The following UNC80 variants were observed in gnomAD, a reference collection of about 807,000 sequenced individuals.
UNC80 encodes the protein protein unc-80 homolog.
In UNC80, 164 loss-of-function variants were observed where a neutral mutation model predicts 384.6. The observed-to-expected ratio is 0.43, with a 90% CI of 0.38 to 0.49. The LOEUF is 0.49. UNC80 is among the 20% of genes least tolerant of loss of function. The pLI is 0.00. For synonymous variants in UNC80, 1,486 were observed against 1,527.8 expected (o/e 0.97, Z 0.64); for missense variants, 3,330 against 4,143.0 (o/e 0.80, Z 5.39).
At position 209,928,169 on chromosome 2, in the gene UNC80, C is replaced by A. The variant is rs1242903525; in HGVS notation, c.5806+1183C>A. Among the ~76,000 whole-genome samples, 7 of 151,970 alleles carry A rather than the reference C, an allele frequency of 4.6e-5. 1 individual carries two copies. The highest frequency in any genetic ancestry group is 4.6e-4 in the Admixed American group (7 of 15,256). On this transcript the variant is annotated intron_variant, in intron 36 of 64. Transcript: ENST00000673920. ...TGGCCAACGTGGCGAAACCCTGTCT[C>A]TACTAAAAATACAAAAATTAGCCAG...
intron 61 of UNC80, among the ~76,000 whole-genome samples, chr2:209,986,476 A>G (rs1054740712): frequency 2.0e-5 from 3 of 152,204 alleles, no homozygotes; most frequent in Admixed American, 6.5e-5. Context: ...AAACCAATTC[A>G]GTGTGTCCTG....
chr2:209,969,203 T>C (rs1391508658), intron 52 of UNC80: 3 of 152,360 alleles, frequency 2.0e-5, no homozygotes, highest in African/African-American at 7.2e-5. Flanking sequence ...AATTGGGTTA[T>C]GTATACAGTA....
chr2:209,893,311 G>A (rs111898695), intron 26 of UNC80, among the ~76,000 whole-genome samples: 2,264 of 152,212 alleles, frequency 0.015, 68 homozygotes, highest in African/African-American at 0.051. Flanking sequence ...TATAAAATCA[G>A]TGTGTGAAAA....
rs1391759120 is a variant in UNC80, at chr2:209,896,340, C to T, written c.4508C>T (p.Pro1503Leu). 4.5e-6 allele frequency: 7 copies of T among 1,551,472 alleles called. No homozygotes were observed. In the East Asian group the frequency reaches 1.5e-4, roughly 33 times the overall value. Residue 1503 changes from proline (P) to leucine (L), a missense_variant, in exon 28 of 65, where the codon CCC becomes CTC. Pro to Leu is a moderately conservative substitution (Grantham distance 98, BLOSUM62 -3). Around this residue, in one of 8 missense-constraint regions of UNC80, gnomAD observed 801 missense variants for 950.8 expected, o/e 0.84. Transcript: ENST00000673920. ...LEGSPWSASE[P>L]SIEPEGMSNA... is the part of the protein sequence containing the mutation. ...GGGAGTCCTTGGAGTGCAAGCGAGCCCAGCATTGAGCCAGAGGGAATGAGT... is the reference window on the plus strand; with the variant it reads ...GGGAGTCCTTGGAGTGCAAGCGAGCTCAGCATTGAGCCAGAGGGAATGAGT...
intron 16 of UNC80, among the ~76,000 whole-genome samples, chr2:209,833,396 A>G (rs1222295071): frequency 2.0e-5 from 3 of 152,014 alleles, no homozygotes; most frequent in Non-Finnish European, 2.9e-5. Flanking sequence ...TTAAATATTG[A>G]TTCACCAATA....
Position 209,896,397 on chromosome 2 carries a change from AC to A in UNC80, c.4566del (p.Asn1522LysfsTer7), listed in dbSNP as rs778056528. 4 of 1,551,384 alleles carry A rather than the reference AC, an allele frequency of 2.6e-6. No individual in the cohort carries two copies. The highest frequency in any genetic ancestry group is 3.5e-6 in the Non-Finnish European group (4 of 1,146,876). On this transcript the variant is annotated frameshift_variant, in exon 28 of 65. Coordinates refer to ENST00000673920, the MANE Select transcript of UNC80 (RefSeq NM_001371986.1). LOFTEE classifies it high-confidence loss of function. ...GGCGCGGAGGAGAATTACCACAGAAACATGTCGTGGCTTCATGTAAGTAGGA... is the reference window on the plus strand; with the variant it reads ...GGCGCGGAGGAGAATTACCACAGAAAATGTCGTGGCTTCATGTAAGTAGGA... Reference protein sequence around the residue: ...NAGAEENYHRNMSWLHVMILL... With the variant: ...NAGAEENYHRXMSWLHVMILL...
At chr2:209,896,473 C>T (rs2086805401) in intron 28 of UNC80, 60 bp downstream of exon 28, 2 of 1,338,790 alleles carry the variant, frequency 1.5e-6, no homozygotes, top group East Asian at 2.5e-5. Context: ...GGGGAAGATC[C>T]AAGGAGGGAG....
rs1190210655 is a variant in UNC80 at position 209,995,409 on chromosome 2, T to G, written c.9789T>G (p.Ser3263=). The change falls in exon 65 of 65, where the codon TCT becomes TCG. Residue 3263 remains serine (S), a synonymous_variant. Transcript: ENST00000673920. ...GTGCTACTGCACACAGTCCACTCTCTGCCCAACTCTCTGACCCTGATGACT... is the reference window on the plus strand; with the variant it reads ...GTGCTACTGCACACAGTCCACTCTCGGCCCAACTCTCTGACCCTGATGACT... ...AQGATAHSPL[S]AQLSDPDDFT... 6.4e-7 allele frequency: 1 copy of G among 1,551,974 alleles called. No homozygotes were observed. Among genetic ancestry groups the G allele is most frequent in the African/African-American group, 1.4e-5 (1 of 73,182 alleles).
Position 209,904,909 on chromosome 2 carries a change from C to T in UNC80, c.4726C>T (p.Leu1576=). The change falls in exon 29 of 65, where the codon CTG becomes TTG. Residue 1576 remains leucine, a synonymous_variant. Coordinates refer to ENST00000673920, the MANE Select transcript of UNC80 (RefSeq NM_001371986.1). ...KLLYGDSVDS[L]RESSNISSVA... is the part of the protein sequence containing the mutation. Reference sequence around the variant, plus strand: ...ACTCTATGGAGACAGTGTGGACTCCCTGAGGGAAAGCAGCAACATCAGCAG... The same window carrying T: ...ACTCTATGGAGACAGTGTGGACTCCTTGAGGGAAAGCAGCAACATCAGCAG... 1 of 1,551,750 alleles carries T rather than the reference C, an allele frequency of 6.4e-7. No individual in the cohort carries two copies.
chr2:209,916,907 A>G (rs1003976113), intron 31 of UNC80, among the ~76,000 whole-genome samples: 1 of 152,258 alleles, frequency 6.6e-6, no homozygotes, highest in African/African-American at 2.4e-5. Flanking sequence ...TATTCTAAAA[A>G]CAACTTTGGA....
At chr2:209,790,561 T>C (rs2077733101) in intron 6 of UNC80, among the ~76,000 whole-genome samples, 2 of 152,208 alleles carry the variant, frequency 1.3e-5, no homozygotes, top group African/African-American at 4.8e-5. Flanking sequence ...GTTGTAATTC[T>C]TGTGCAGCAT....
At chr2:209,865,205 G>A (rs1296756761) in intron 22 of UNC80, among the ~76,000 whole-genome samples, 1 of 151,536 alleles carries the variant, frequency 6.6e-6, no homozygotes, top group African/African-American at 2.4e-5. Context: ...CTTGGTTGCC[G>A]GTGAAGGATT....
Position 209,945,907 on chromosome 2 carries a change from TCA to T in UNC80, c.7252_7253del (p.Thr2418CysfsTer79). 1 of 1,552,036 alleles carries T rather than the reference TCA, an allele frequency of 6.4e-7. No individual in the cohort carries two copies. Among genetic ancestry groups the T allele is most frequent in the Non-Finnish European group, 8.7e-7 (1 of 1,146,962 alleles). On this transcript the variant is annotated frameshift_variant, in exon 47 of 65. Coordinates refer to ENST00000673920, the MANE Select transcript of UNC80 (RefSeq NM_001371986.1). LOFTEE classifies it high-confidence loss of function. ...ATCAGTGAAGCCATTAAGCTCTGTGTCACTGTGGTGGCGTATGCTCCCGAATC... is the reference window on the plus strand; with the variant it reads ...ATCAGTGAAGCCATTAAGCTCTGTGTCTGTGGTGGCGTATGCTCCCGAATC...
chr2:209,852,220 A>C (rs1438775338), intron 22 of UNC80, among the ~76,000 whole-genome samples: 1 of 152,070 alleles, frequency 6.6e-6, no homozygotes, highest in Admixed American at 6.6e-5. Flanking sequence ...CATACCTGAC[A>C]GTCTTTGATT....
chr2:209,995,259 A>G (rs1273567116), intron 64 of UNC80, 70 bp from the exon 65 acceptor site: 23 of 1,518,706 alleles, frequency 1.5e-5, no homozygotes, highest in Non-Finnish European at 2.0e-5. Context: ...ACTAGACAAC[A>G]ACATTTTTTG....
intron 5 of UNC80, among the ~76,000 whole-genome samples, chr2:209,787,003 AT>A: frequency 7.4e-6 from 1 of 134,452 alleles, no homozygotes; most frequent in East Asian, 2.3e-4. Context: ...ATATATATAT[AT>A]ATATATATAT....
chr2:209,788,867 T>C (rs2077620605), intron 5 of UNC80, among the ~76,000 whole-genome samples: 1 of 152,180 alleles, frequency 6.6e-6, no homozygotes, highest in African/African-American at 2.4e-5. Context: ...ACTCACTCAC[T>C]GACTCACCCA....
chr2:209,841,868 A>C (rs566597342), intron 20 of UNC80, among the ~76,000 whole-genome samples: 1 of 152,310 alleles, frequency 6.6e-6, no homozygotes, highest in Non-Finnish European at 1.5e-5. Flanking sequence ...CAAGATGAAG[A>C]ACATATTTTA....
At chr2:209,850,142 T>C (rs1477581826) in intron 22 of UNC80, among the ~76,000 whole-genome samples, 7 of 152,058 alleles carry the variant, frequency 4.6e-5, no homozygotes, top group Non-Finnish European at 7.4e-5. Context: ...TTGAAATGAA[T>C]TGCACAAACA....
Sources: gnomAD v4.1 joint callset for allele counts (sites outside exome capture counted in the v4.1 genomes callset) on GRCh38, gnomAD v4.1.1 for gene constraint, gnomAD v4.1.1 regional missense constraint, MANE v1.5 for transcripts, NCBI Gene and HGNC (gene_info 2026-07-23, HGNC 2026-07-21) for gene names.